Variants in HDAC9 observed in about 807,000 individuals in gnomAD.
HDAC9 encodes MEF-2 interacting transcription repressor (MITR) protein.
Under a neutral mutation model 139.4 loss-of-function variants are expected in HDAC9, and 41 were observed. The ratio of observed to expected loss-of-function variants is 0.29; its 90% CI spans 0.23 to 0.38. The LOEUF is 0.38. Ranked by LOEUF, HDAC9 falls within the 10% of genes least tolerant of loss-of-function variation. The probability of loss-of-function intolerance (pLI) is 1.00; values close to 1 mark genes in which losing one functional copy is unlikely to be tolerated. For synonymous variants in HDAC9, 517 were observed against 476.2 expected (o/e 1.09, Z -1.12); for missense variants, 1,147 against 1,297.0 (o/e 0.88, Z 1.78).
chr7:18,747,933 T>C (rs1052810648), intron 13 of HDAC9, among the ~76,000 whole-genome samples: 2 of 152,208 alleles, frequency 1.3e-5, no homozygotes, highest in Non-Finnish European at 2.9e-5. Context: ...TTTTACAGCA[T>C]AAATTACTGG....
intron 1 of HDAC9, among the ~76,000 whole-genome samples, chr7:18,386,180 G>A (rs1785914967): frequency 1.3e-5 from 2 of 152,162 alleles, no homozygotes; most frequent in Admixed American, 1.3e-4. Flanking sequence ...CCCATAGATT[G>A]CTTGTTTGCA....
chr7:18,252,087 T>C (rs1202319470), intron 2 of HDAC9, among the ~76,000 whole-genome samples: 1 of 152,166 alleles, frequency 6.6e-6, no homozygotes, highest in Non-Finnish European at 1.5e-5. Flanking sequence ...TTTACTGTCA[T>C]AGAGCAAAAT....
intron 22 of HDAC9, chr7:18,892,708 G>T (rs1333384120): frequency 2.6e-5 from 4 of 152,080 alleles, no homozygotes; most frequent in Non-Finnish European, 5.9e-5. Context: ...TTTATTAAAG[G>T]ATAATTTTTA....
At chr7:18,566,426 A>T (rs1251794747) in intron 2 of HDAC9, among the ~76,000 whole-genome samples, 2 of 152,144 alleles carry the variant, frequency 1.3e-5, no homozygotes, top group Non-Finnish European at 2.9e-5. Context: ...GTGGTTATTG[A>T]TTTACCCAAA....
intron 1 of HDAC9, among the ~76,000 whole-genome samples, chr7:18,458,169 T>A (rs879200747): frequency 6.6e-6 from 1 of 152,222 alleles, no homozygotes; most frequent in African/African-American, 2.4e-5. Flanking sequence ...ACGCTCACCC[T>A]CTCAGTGCCA....
chr7:18,487,346 TCA>T (rs1456047690), intron 1 of HDAC9, among the ~76,000 whole-genome samples: 1 of 151,994 alleles, frequency 6.6e-6, no homozygotes, highest in Non-Finnish European at 1.5e-5. Context: ...AACATCATGT[TCA>T]GAGACATGGA....
At chr7:18,809,153 T>C (rs1585075526) in intron 17 of HDAC9, among the ~76,000 whole-genome samples, 3 of 152,128 alleles carry the variant, frequency 2.0e-5, no homozygotes, top group East Asian at 1.9e-4. Flanking sequence ...TAATATAAAA[T>C]TGGATCCTCA....
intron 1 of HDAC9, among the ~76,000 whole-genome samples, chr7:18,395,632 T>C (rs1041510338): frequency 9.9e-5 from 15 of 151,990 alleles, no homozygotes; most frequent in Non-Finnish European, 1.5e-4. Context: ...TTTCCTGAGA[T>C]TGGATTTCTT....
At chr7:18,130,580 C>T (rs1784938728) in intron 1 of HDAC9, among the ~76,000 whole-genome samples, 1 of 152,120 alleles carries the variant, frequency 6.6e-6, no homozygotes, top group African/African-American at 2.4e-5. Context: ...TTAGTATATT[C>T]ACAGAGTTGT....
At chr7:18,570,600 T>C (rs1823954813) in intron 2 of HDAC9, among the ~76,000 whole-genome samples, 1 of 152,222 alleles carries the variant, frequency 6.6e-6, no homozygotes, top group African/African-American at 2.4e-5. Flanking sequence ...TCATGGACTC[T>C]GGAGCTGGAC....
chr7:18,848,528 G>A lies in HDAC9; in HGVS notation c.2684+12531G>A, dbSNP rs572879409. Among the ~76,000 whole-genome samples, 96 of 151,956 alleles carry A rather than the reference G, an allele frequency of 6.3e-4. 2 individuals are homozygous for A. In the South Asian group the frequency reaches 0.02, roughly 31 times the overall value. ...CACCGAGGCAAGGCTATGGGTGCAC[G>A]CAGCGAGATAGGGCTGGTTGTAATC... is the stretch of plus-strand genomic sequence containing the variant. On this transcript the variant is annotated intron_variant, in intron 21 of 25. Transcript: ENST00000686413.
chr7:18,604,404 T>TGGA (rs567642337), intron 6 of HDAC9, among the ~76,000 whole-genome samples: 87 of 152,002 alleles, frequency 5.7e-4, no homozygotes, highest in African/African-American at 2.1e-3. Context: ...TGAGCACATT[T>TGGA]GGACCTTTTT....
chr7:18,670,146 G>A (rs1795582838), intron 12 of HDAC9, among the ~76,000 whole-genome samples: 2 of 151,704 alleles, frequency 1.3e-5, no homozygotes, highest in South Asian at 4.1e-4. Flanking sequence ...TGTGATTGAA[G>A]GTTTACAATG....
rs138027949 is a variant in HDAC9, at chr7:18,894,456, G to A, written c.2803+19860G>A. On this transcript the variant is annotated intron_variant, in intron 22 of 25. Transcript: ENST00000686413. Reference sequence around the variant, plus strand: ...GCACAAGCCATTAGCTCTATCAAATGTCCTTAAAGGGTCAAGTAAGATAAA... The same window carrying A: ...GCACAAGCCATTAGCTCTATCAAATATCCTTAAAGGGTCAAGTAAGATAAA... 2.9e-3 allele frequency among the ~76,000 whole-genome samples: 446 copies of A among 152,164 alleles called. 2 individuals are homozygous for A. The highest frequency in any genetic ancestry group is 0.015 in the South Asian group (72 of 4,822).
intron 25 of HDAC9, among the ~76,000 whole-genome samples, chr7:18,992,662 G>T (rs1005411374): frequency 6.6e-5 from 10 of 151,754 alleles, no homozygotes; most frequent in Admixed American, 5.9e-4. Flanking sequence ...GAGAATACAA[G>T]AATTTAATTT....
At chr7:18,587,346 C>A (rs942811376) in intron 3 of HDAC9, among the ~76,000 whole-genome samples, 1 of 152,038 alleles carries the variant, frequency 6.6e-6, no homozygotes, top group Non-Finnish European at 1.5e-5. Context: ...GAAAATTTAG[C>A]TTTTAAAATG....
intron 2 of HDAC9, among the ~76,000 whole-genome samples, chr7:18,534,682 C>A (rs1393966476): frequency 6.6e-6 from 1 of 152,162 alleles, no homozygotes; most frequent in East Asian, 1.9e-4. Context: ...TGCTTGTTTG[C>A]CAGAGCTGGG....
chr7:18,658,192 C>T (rs1004277950), intron 11 of HDAC9, among the ~76,000 whole-genome samples: 1 of 152,090 alleles, frequency 6.6e-6, no homozygotes, highest in Non-Finnish European at 1.5e-5. Flanking sequence ...TTTTCAGTTG[C>T]TAATTTTCTG....
intron 2 of HDAC9, among the ~76,000 whole-genome samples, chr7:18,552,841 G>C (rs1177024678): frequency 6.6e-6 from 1 of 152,184 alleles, no homozygotes; most frequent in Non-Finnish European, 1.5e-5. Flanking sequence ...GCATTTCAGT[G>C]TGTATGTGTG....
Sources: gnomAD v4.1 joint callset for allele counts (sites outside exome capture counted in the v4.1 genomes callset) on GRCh38, gnomAD v4.1.1 for gene constraint, MANE v1.5 for transcripts, NCBI Gene and HGNC (gene_info 2026-07-23, HGNC 2026-07-21) for gene names.